The following NUP107 variants were observed in gnomAD, a reference collection of about 807,000 sequenced individuals.
NUP107 encodes nucleoporin 107.
NUP107 carries 101 observed loss-of-function variants against 141.0 expected under a neutral mutation model. That is an observed-to-expected ratio of 0.72 (90% CI 0.61 to 0.84). The LOEUF is 0.84. NUP107 is among the 40% of genes least tolerant of loss of function. NUP107 has a pLI of 0.00. For synonymous variants in NUP107, 319 were observed against 363.9 expected, an observed-to-expected ratio of 0.88 and a Z score of 1.41; for missense variants, 941 against 1,102.7, an observed-to-expected ratio of 0.85 and a Z score of 2.08.
chr12:68,725,836 T>TG lies in NUP107; in HGVS notation c.1576+41dup, dbSNP rs1555178665. 4,284 of 911,484 alleles carry TG rather than the reference T, an allele frequency of 4.7e-3. 150 individuals are homozygous for TG. Among genetic ancestry groups the TG allele is most frequent in the Admixed American group, 0.013 (399 of 30,642 alleles). The allele number at this position is 911,484 out of a possible 1,614,324, so 56.5% of individuals were successfully genotyped here. A position where few individuals can be genotyped will look rare whatever the true frequency, so the allele number is the denominator to read the frequency against. ...TATTTTACTTTGTGTTTTTTGTGTG[T>TG]GTTTTTTTTTTTTTTTTTGAGACAA... On this transcript the variant is annotated intron_variant, in intron 18 of 27. Coordinates refer to ENST00000229179, the MANE Select transcript of NUP107 (RefSeq NM_020401.4).
At chr12:68,688,257 T>G (rs951062794) in intron 1 of NUP107, among the ~76,000 whole-genome samples, 1 of 152,236 alleles carries the variant, frequency 6.6e-6, no homozygotes, top group African/African-American at 2.4e-5. Context: ...TTCCCATACT[T>G]TCCTGCTGAA....
In NUP107 at chr12:68,688,238, T is replaced by C. The variant is rs146949154; in HGVS notation, c.9-724T>C. On this transcript the variant is annotated intron_variant, in intron 1 of 27. Coordinates refer to ENST00000229179, the MANE Select transcript of NUP107 (RefSeq NM_020401.4). ...TGTTAAACGTTTAAAATTGTTTCTA[T>C]GTGGTTGTTTCCCATACTTTCCTGC... Among the ~76,000 whole-genome samples the C allele has an allele frequency of 2.4e-3, 370 of 152,326 alleles. 2 individuals are homozygous for C. The highest frequency in any genetic ancestry group is 8.6e-3 in the African/African-American group (359 of 41,572).
At chr12:68,708,775 C>T (rs1402102911) in intron 8 of NUP107, among the ~76,000 whole-genome samples, 4 of 152,138 alleles carry the variant, frequency 2.6e-5, no homozygotes, top group Admixed American at 6.5e-5. Context: ...TGCGTCACCA[C>T]GCCCAGCTAA....
At chr12:68,735,957 A>G (rs1233359743) in intron 26 of NUP107, among the ~76,000 whole-genome samples, 1 of 152,244 alleles carries the variant, frequency 6.6e-6, no homozygotes, top group African/African-American at 2.4e-5. Context: ...ACTGGAACGT[A>G]TGCTTGAAAT....
At chr12:68,725,677 A>G (rs1183412125) in intron 17 of NUP107, 50 bp from the exon 18 acceptor site, 1 of 929,670 alleles carries the variant, frequency 1.1e-6, no homozygotes, top group Non-Finnish European at 1.7e-6. Flanking sequence ...AATATATACT[A>G]CAGAATGACT....
intron 22 of NUP107, 41 bp downstream of exon 22, chr12:68,731,760 A>G (rs1199458004): frequency 9.5e-7 from 1 of 1,057,410 alleles, no homozygotes; most frequent in Non-Finnish European, 1.4e-6. Flanking sequence ...ATAACTTCTA[A>G]TAATCTTTTA....
At chr12:68,700,889 T>A in intron 7 of NUP107, 36 bp downstream of exon 7, 1 of 1,517,994 alleles carries the variant, frequency 6.6e-7, no homozygotes. Flanking sequence ...GAAATAAACA[T>A]AAGGTAATAA....
intron 20 of NUP107, among the ~76,000 whole-genome samples, chr12:68,729,217 G>C (rs1045422155): frequency 3.9e-5 from 6 of 152,124 alleles, no homozygotes; most frequent in African/African-American, 1.4e-4. Context: ...TATTACAGTA[G>C]TATAGTATCT....
Position 68,700,762 on chromosome 12 carries a change from C to T in NUP107, c.589C>T (p.Pro197Ser). ...GAGTAAAATAGTGAGTCGAGCAACA[C>T]CTGGACTTCAAAAATTTTCAAAAAC... is the stretch of plus-strand genomic sequence containing the variant. ...ILSKIVSRAT[P>S]GLQKFSKTAS... Residue 197 changes from proline to serine, a missense_variant, in exon 7 of 28, where the codon CCT (proline) becomes TCT (serine). Pro to Ser is a moderately conservative substitution (Grantham distance 74). Transcript: ENST00000229179. The T allele has an allele frequency of 6.2e-7, 1 of 1,611,616 alleles. No individual in the cohort carries two copies. Among genetic ancestry groups the T allele is most frequent in the Non-Finnish European group, 8.5e-7 (1 of 1,179,254 alleles).
intron 2 of NUP107, 76 bp downstream of exon 2, chr12:68,689,129 T>A: frequency 8.6e-7 from 1 of 1,159,432 alleles, no homozygotes; most frequent in Non-Finnish European, 1.2e-6. Flanking sequence ...TTTCTTTTTA[T>A]AAGAGTATTA....
intron 16 of NUP107, 43 bp from the exon 17 acceptor site, chr12:68,722,061 T>C: frequency 6.2e-7 from 1 of 1,611,284 alleles, no homozygotes; most frequent in Non-Finnish European, 8.5e-7. Flanking sequence ...CACCCCTTTT[T>C]CATATTATTA....
chr12:68,716,221 C>T (rs1346849514), intron 12 of NUP107, among the ~76,000 whole-genome samples: 1 of 127,050 alleles, frequency 7.9e-6, no homozygotes, highest in Non-Finnish European at 1.6e-5. Context: ...TTTCCTTTTT[C>T]TTTCTTTCTT....
chr12:68,729,743 G>C (rs959645612), intron 20 of NUP107, among the ~76,000 whole-genome samples: 11 of 150,502 alleles, frequency 7.3e-5, no homozygotes, highest in African/African-American at 2.4e-4. Context: ...GGCCTACCTA[G>C]CTTTTTCTTA....
At chr12:68,728,446 C>T (rs1304712175) in intron 20 of NUP107, among the ~76,000 whole-genome samples, 3 of 104,204 alleles carry the variant, frequency 2.9e-5, no homozygotes, top group African/African-American at 1.1e-4. Context: ...TTTTTTGAGA[C>T]GGAGTCTTGC....
chr12:68,687,535 G>T (rs556068723), intron 1 of NUP107: 1 of 992,838 alleles, frequency 1.0e-6, no homozygotes, highest in Admixed American at 6.0e-5. Context: ...AGTTATTCAA[G>T]ATCCTTCCCC....
intron 1 of NUP107, chr12:68,687,700 G>T (rs1875565300): frequency 5.3e-6 from 5 of 944,546 alleles, no homozygotes; most frequent in Non-Finnish European, 6.3e-6. Context: ...TACATTATTC[G>T]TACTCCAAAC....
intron 26 of NUP107, among the ~76,000 whole-genome samples, chr12:68,736,695 G>A (rs908460231): frequency 6.7e-6 from 1 of 148,514 alleles, no homozygotes. Context: ...GCGATTACAG[G>A]CATGAGTCAA....
rs1426165270 is a variant in NUP107 at position 68,726,451 on chromosome 12, C to T, written c.1577-48C>T. The T allele has an allele frequency of 2.9e-5, 35 of 1,210,716 alleles. No homozygotes were observed. The Admixed American group carries it at 3.9e-4, about 13-fold the overall frequency. The allele number at this position is 1,210,716 out of a possible 1,614,324, so 75.0% of individuals were successfully genotyped here. On this transcript the variant is annotated intron_variant, in intron 18 of 27. Transcript: ENST00000229179. ...TGTTCTTGGTAATGTTTATTTTTTT[C>T]TTTTGATTTTATTCCTATTGTTGAA...
chr12:68,718,953 A>G (rs1877233819), intron 12 of NUP107, among the ~76,000 whole-genome samples: 2 of 152,048 alleles, frequency 1.3e-5, no homozygotes, highest in South Asian at 2.1e-4. Flanking sequence ...CAGTGGCGCA[A>G]TTTCGGCTCA....
Sources: gnomAD v4.1 joint callset for allele counts (sites outside exome capture counted in the v4.1 genomes callset) on GRCh38, gnomAD v4.1.1 for gene constraint, MANE v1.5 for transcripts, NCBI Gene and HGNC (gene_info 2026-07-23, HGNC 2026-07-21) for gene names.